Variants in MAGI2 observed in about 807,000 individuals in gnomAD.
MAGI2 encodes membrane-associated guanylate kinase, WW and PDZ domain-containing protein 2.
A neutral mutation model predicts 133.3 loss-of-function variants in MAGI2; 35 were observed. That is an observed-to-expected ratio of 0.26 (90% CI 0.20 to 0.35). The LOEUF (loss-of-function observed/expected upper bound fraction) is 0.35. Ranked by LOEUF, MAGI2 falls within the 10% of genes least tolerant of loss-of-function variation. The pLI, the probability that MAGI2 is intolerant of heterozygous loss-of-function variation, is 1.00. For missense variants in MAGI2, 1,636 were observed against 1,863.4 expected (o/e 0.88, Z 2.25); for synonymous variants, 729 against 710.6 (o/e 1.03, Z -0.41).
intron 10 of MAGI2, among the ~76,000 whole-genome samples, chr7:78,203,182 TC>T (rs1829429245): frequency 6.6e-6 from 1 of 152,244 alleles, no homozygotes; most frequent in Admixed American, 6.5e-5. Flanking sequence ...TTTCTTTGTG[TC>T]ATCACCTTCT....
intron 2 of MAGI2, among the ~76,000 whole-genome samples, chr7:78,868,989 G>A (rs1219766793): frequency 6.6e-6 from 1 of 152,180 alleles, no homozygotes; most frequent in Non-Finnish European, 1.5e-5. Context: ...TTCTGACCTT[G>A]TGATCCGCCC....
rs532556777 is a variant in MAGI2 at position 78,205,057 on chromosome 7, G to A, written c.2048-3864C>T. 6.6e-5 allele frequency among the ~76,000 whole-genome samples: 10 copies of A among 152,282 alleles called. No homozygotes were observed. The East Asian group carries it at 1.7e-3, about 26-fold the overall frequency. On this transcript the variant is annotated intron_variant, in intron 10 of 21. Transcript: ENST00000354212. ...GTTTAGGCAGGAAATCCTGGTACTTGAAAATGACAGAAGAAAAAAGACAAC... is the reference window on the plus strand; with the variant it reads ...GTTTAGGCAGGAAATCCTGGTACTTAAAAATGACAGAAGAAAAAAGACAAC...
chr7:78,380,501 AC>A (rs1300298990), intron 6 of MAGI2, among the ~76,000 whole-genome samples: 2 of 152,176 alleles, frequency 1.3e-5, no homozygotes, highest in African/African-American at 4.8e-5. Flanking sequence ...GCACAGAAAG[AC>A]AAATGTCACA....
chr7:79,386,139 A>G (rs1160828474), intron 1 of MAGI2, among the ~76,000 whole-genome samples: 1 of 151,962 alleles, frequency 6.6e-6, no homozygotes, highest in Non-Finnish European at 1.5e-5. Context: ...CAACTCTGGG[A>G]TCTGAACACC....
At chr7:78,088,865 G>T (rs926000782) in intron 20 of MAGI2, among the ~76,000 whole-genome samples, 1 of 152,300 alleles carries the variant, frequency 6.6e-6, no homozygotes, top group South Asian at 2.1e-4. Flanking sequence ...CTTACCTTAA[G>T]GATCTTGAGA....
intron 1 of MAGI2, among the ~76,000 whole-genome samples, chr7:79,375,334 T>C (rs997164895): frequency 1.3e-5 from 2 of 151,998 alleles, no homozygotes; most frequent in Admixed American, 6.6e-5. Context: ...AAGGAGTTCA[T>C]TGAGCAAGGC....
intron 9 of MAGI2, among the ~76,000 whole-genome samples, chr7:78,333,046 T>C (rs1463003414): frequency 6.6e-6 from 1 of 152,238 alleles, no homozygotes; most frequent in Non-Finnish European, 1.5e-5. Flanking sequence ...GTCATGGCAG[T>C]TTTAGAAAAT....
At chr7:79,074,161 T>A (rs6946810) in intron 1 of MAGI2, among the ~76,000 whole-genome samples, 5,565 of 152,270 alleles carry the variant, frequency 0.037, 317 homozygotes, top group African/African-American at 0.12. Context: ...CACCTTATCA[T>A]ACACTGAACG....
intron 2 of MAGI2, among the ~76,000 whole-genome samples, chr7:78,965,507 T>C (rs1019679035): frequency 6.6e-6 from 1 of 151,900 alleles, no homozygotes; most frequent in Non-Finnish European, 1.5e-5. Context: ...ATAATCATTA[T>C]AAATATCTCA....
chr7:78,609,274 C>T (rs1226239363), intron 3 of MAGI2, among the ~76,000 whole-genome samples: 1 of 152,112 alleles, frequency 6.6e-6, no homozygotes, highest in Admixed American at 6.5e-5. Context: ...ATCACAAGTC[C>T]ACTCCTTGTC....
chr7:79,160,013 G>A (rs1178369457), intron 1 of MAGI2, among the ~76,000 whole-genome samples: 1 of 152,038 alleles, frequency 6.6e-6, no homozygotes, highest in Non-Finnish European at 1.5e-5. Context: ...AGCTAGCTCA[G>A]ATGCCTTTTA....
At chr7:78,346,583 G>A (rs1790933220) in intron 7 of MAGI2, among the ~76,000 whole-genome samples, 1 of 152,184 alleles carries the variant, frequency 6.6e-6, no homozygotes, top group African/African-American at 2.4e-5. Context: ...TAGGACAGTT[G>A]ATGCTGAAAT....
chr7:79,360,832 CAAAT>C (rs1044371186), intron 1 of MAGI2, among the ~76,000 whole-genome samples: 12 of 151,714 alleles, frequency 7.9e-5, no homozygotes, highest in Non-Finnish European at 1.6e-4. Flanking sequence ...CAAACAAAAA[CAAAT>C]AGAAAAGAAG....
chr7:78,028,509 G>A (rs572712652), intron 21 of MAGI2, among the ~76,000 whole-genome samples: 5 of 152,300 alleles, frequency 3.3e-5, no homozygotes, highest in Admixed American at 2.0e-4. Flanking sequence ...ACTCTGCTGC[G>A]TGGATCACAT....
intron 16 of MAGI2, among the ~76,000 whole-genome samples, chr7:78,140,713 G>A (rs1175032967): frequency 4.6e-5 from 7 of 152,094 alleles, no homozygotes; most frequent in Non-Finnish European, 1.0e-4. Context: ...CTTCTGTCTA[G>A]TTTAAATTTG....
intron 2 of MAGI2, among the ~76,000 whole-genome samples, chr7:78,816,625 C>T (rs942996296): frequency 1.3e-5 from 2 of 152,154 alleles, no homozygotes; most frequent in African/African-American, 4.8e-5. Flanking sequence ...ATGACATTTA[C>T]TCTGCCTATA....
intron 9 of MAGI2, among the ~76,000 whole-genome samples, chr7:78,287,005 G>T (rs1454457350): frequency 6.6e-6 from 1 of 152,290 alleles, no homozygotes; most frequent in Middle Eastern, 3.4e-3. Context: ...CTTTATAGTG[G>T]AGGACATTGT....
At chr7:78,765,832 T>C (rs2151308834) in intron 2 of MAGI2, among the ~76,000 whole-genome samples, 1 of 150,370 alleles carries the variant, frequency 6.7e-6, no homozygotes, top group Admixed American at 6.6e-5. Flanking sequence ...CCGAGAAGTG[T>C]AATGAAGAAA....
At chr7:78,259,040 G>A (rs1343173114) in intron 9 of MAGI2, among the ~76,000 whole-genome samples, 2 of 152,118 alleles carry the variant, frequency 1.3e-5, no homozygotes, top group Non-Finnish European at 2.9e-5. Flanking sequence ...ACAGTACTTC[G>A]TATTCTCAGA....
Sources: allele counts gnomAD v4.1 joint callset (sites outside exome capture counted in the v4.1 genomes callset), GRCh38; gene constraint gnomAD v4.1.1; transcripts MANE v1.5; gene names NCBI Gene and HGNC (gene_info 2026-07-23, HGNC 2026-07-21).